The following SLC35F4 variants were observed in gnomAD, a reference collection of about 807,000 sequenced individuals.
SLC35F4 encodes chromosome 14 open reading frame 36.
A neutral mutation model predicts 44.2 loss-of-function variants in SLC35F4; 24 were observed. That is an observed-to-expected ratio of 0.54 (90% confidence interval 0.39 to 0.76). The LOEUF (loss-of-function observed/expected upper bound fraction) is 0.76. Ranked by LOEUF, SLC35F4 falls within the 30% of genes least tolerant of loss-of-function variation. The probability of loss-of-function intolerance (pLI) is 0.00; values close to 1 mark genes in which losing one functional copy is unlikely to be tolerated. For missense variants in SLC35F4, 562 were observed against 586.1 expected, an observed-to-expected ratio of 0.96 and a Z score of 0.42; for synonymous variants, 238 against 223.6, an observed-to-expected ratio of 1.06 and a Z score of -0.57.
chr14:57,885,829 T>A (rs1301633909), intron 1 of SLC35F4, among the ~76,000 whole-genome samples: 1 of 152,248 alleles, frequency 6.6e-6, no homozygotes, highest in East Asian at 1.9e-4. Context: ...ACTTCTTCAG[T>A]GAATCCTTCC....
intron 1 of SLC35F4, among the ~76,000 whole-genome samples, chr14:57,858,360 A>T (rs186150378): frequency 6.6e-6 from 1 of 152,038 alleles, no homozygotes. Flanking sequence ...ATCAAAAAGG[A>T]TGAGTTCATG....
chr14:57,735,325 C>A (rs2076436391), intron 1 of SLC35F4, among the ~76,000 whole-genome samples: 2 of 152,212 alleles, frequency 1.3e-5, no homozygotes. Flanking sequence ...AACAAGTCAG[C>A]CCTAATTTGT....
chr14:57,689,905 A>T (rs768572662), intron 1 of SLC35F4, among the ~76,000 whole-genome samples: 39 of 152,286 alleles, frequency 2.6e-4, no homozygotes, highest in South Asian at 4.1e-4. Flanking sequence ...AAAATAAAAA[A>T]AAATAAAGAT....
chr14:57,911,173 AT>A (rs1333678570), intron 1 of SLC35F4, among the ~76,000 whole-genome samples: 1 of 151,918 alleles, frequency 6.6e-6, no homozygotes, highest in Non-Finnish European at 1.5e-5. Flanking sequence ...TTGGGGTTTC[AT>A]TATTTTGCTT....
intron 1 of SLC35F4, among the ~76,000 whole-genome samples, chr14:57,615,162 C>T (rs1220670717): frequency 6.6e-6 from 1 of 152,180 alleles, no homozygotes; most frequent in Non-Finnish European, 1.5e-5. Flanking sequence ...ATTCTTCACT[C>T]TCACCTCCTT....
intron 1 of SLC35F4, among the ~76,000 whole-genome samples, chr14:57,750,018 G>A (rs537543255): frequency 1.3e-3 from 196 of 152,216 alleles, no homozygotes; most frequent in African/African-American, 4.5e-3. Context: ...TACTCGTTAA[G>A]TAATTTCTCA....
intron 1 of SLC35F4, among the ~76,000 whole-genome samples, chr14:57,635,112 G>T (rs1433082808): frequency 6.6e-6 from 1 of 151,924 alleles, no homozygotes; most frequent in East Asian, 1.9e-4. Flanking sequence ...AAGGTGTGAT[G>T]GCATGCACCT....
intron 3 of SLC35F4, among the ~76,000 whole-genome samples, chr14:57,584,492 A>C (rs1266269919): frequency 3.3e-5 from 5 of 152,168 alleles, no homozygotes; most frequent in Non-Finnish European, 4.4e-5. Context: ...CAGGGAAAAA[A>C]AGATCGAGAA....
At chr14:57,595,049 T>C (rs2070411826) in intron 1 of SLC35F4, among the ~76,000 whole-genome samples, 1 of 152,164 alleles carries the variant, frequency 6.6e-6, no homozygotes, top group Admixed American at 6.5e-5. Flanking sequence ...AATTCCAAAC[T>C]TTATTTGGAT....
chr14:57,704,681 T>C (rs1426178820), intron 1 of SLC35F4, among the ~76,000 whole-genome samples: 1 of 152,044 alleles, frequency 6.6e-6, no homozygotes, highest in Non-Finnish European at 1.5e-5. Context: ...ACTAGATCAG[T>C]AGCTAAGATA....
chr14:57,858,789 A>T (rs1006060250), intron 1 of SLC35F4, among the ~76,000 whole-genome samples: 22 of 150,766 alleles, frequency 1.5e-4, no homozygotes, highest in African/African-American at 5.5e-4. Context: ...ATCATATGGG[A>T]TATAAGATCT....
At chr14:57,725,246 C>A (rs2076174279) in intron 1 of SLC35F4, among the ~76,000 whole-genome samples, 1 of 152,150 alleles carries the variant, frequency 6.6e-6, no homozygotes, top group Non-Finnish European at 1.5e-5. Context: ...TGCACATGGG[C>A]TCAGCAACAT....
intron 1 of SLC35F4, among the ~76,000 whole-genome samples, chr14:57,962,017 A>C (rs1449276834): frequency 6.6e-6 from 1 of 152,222 alleles, no homozygotes; most frequent in East Asian, 1.9e-4. Flanking sequence ...GAATAACTAA[A>C]TAAGGGGATG....
intron 1 of SLC35F4, among the ~76,000 whole-genome samples, chr14:57,738,845 A>C (rs775471468): frequency 1.4e-4 from 20 of 147,422 alleles, no homozygotes; most frequent in Non-Finnish European, 2.7e-4. Flanking sequence ...TACTGTATAT[A>C]TATATGAAAT....
chr14:57,619,210 C>T (rs1241812897), intron 1 of SLC35F4, among the ~76,000 whole-genome samples: 1 of 152,208 alleles, frequency 6.6e-6, no homozygotes, highest in Non-Finnish European at 1.5e-5. Flanking sequence ...AGACTCCCTC[C>T]TCAAGTGAGT....
chr14:57,792,114 T>TA (rs1198554026), intron 1 of SLC35F4, among the ~76,000 whole-genome samples: 18 of 149,698 alleles, frequency 1.2e-4, no homozygotes, highest in Middle Eastern at 3.4e-3. Flanking sequence ...AAGTATAATT[T>TA]AAAAAAAAAG....
chr14:57,807,807 G>A (rs533043118), intron 1 of SLC35F4, among the ~76,000 whole-genome samples: 8 of 151,598 alleles, frequency 5.3e-5, no homozygotes, highest in African/African-American at 7.3e-5. Context: ...TCCTCATGCC[G>A]CTAATAAAGA....
At chr14:57,818,789 A>G (rs576741240) in intron 1 of SLC35F4, among the ~76,000 whole-genome samples, 9 of 152,358 alleles carry the variant, frequency 5.9e-5, no homozygotes, top group African/African-American at 1.9e-4. Context: ...ATGAATATCA[A>G]TTACAGCCTC....
intron 1 of SLC35F4, among the ~76,000 whole-genome samples, chr14:57,831,237 C>A (rs1213022274): frequency 6.6e-6 from 1 of 152,134 alleles, no homozygotes; most frequent in African/African-American, 2.4e-5. Context: ...TCTTTCTCTC[C>A]CTGCCATGTG....
Sources: allele counts gnomAD v4.1 joint callset (sites outside exome capture counted in the v4.1 genomes callset), GRCh38; gene constraint gnomAD v4.1.1; transcripts MANE v1.5; gene names NCBI Gene and HGNC (gene_info 2026-07-23, HGNC 2026-07-21).